ABHD2: variants seen among roughly 807,000 people sequenced by gnomAD.
ABHD2 encodes the protein abhydrolase domain containing 2, acylglycerol lipase.
In ABHD2, 20 loss-of-function variants were observed where a neutral mutation model predicts 48.1. The observed-to-expected ratio is 0.42, with a 90% CI of 0.29 to 0.60. The LOEUF is 0.60. ABHD2 is among the 20% of genes least tolerant of loss of function. ABHD2 has a pLI of 0.24. For missense variants in ABHD2, 405 were observed against 550.9 expected (o/e 0.74, Z 2.65); for synonymous variants, 209 against 214.2 (o/e 0.98, Z 0.21).
rs528002446 is a variant in ABHD2, at chr15:89,146,750, T to C, written c.195-4927T>C. ...AATTAGCGTAGTAAAAATGGAATAT[T>C]CTGTAAAACATGAAGAAAGCAATGA... On this transcript the variant is annotated intron_variant, in intron 3 of 10. Transcript: ENST00000352732. This position sits in a 1 kb window ranked among gnomAD's most constrained non-coding sequence, Gnocchi z 4.2. 6.6e-6 allele frequency among the ~76,000 whole-genome samples: 1 copy of C among 152,250 alleles called. No homozygotes were observed. The highest frequency in any genetic ancestry group is 6.5e-5 in the Admixed American group (1 of 15,298).
upstream of ABHD2, among the ~76,000 whole-genome samples, chr15:89,085,910 T>C (rs1901337599): frequency 6.6e-6 from 1 of 152,230 alleles, no homozygotes; most frequent in Non-Finnish European, 1.5e-5. The surrounding 1 kb of genome is among the most constrained non-coding windows in gnomAD (Gnocchi z 4.2). Flanking sequence ...GTAACATGCA[T>C]GCAGCCATGT....
chr15:89,066,307 G>C, the ABHD2 span, among the ~76,000 whole-genome samples: 1 of 152,104 alleles, frequency 6.6e-6, no homozygotes, highest in Non-Finnish European at 1.5e-5. Context: ...TCAGGTAGTT[G>C]CTGGCAATCC....
intron 3 of ABHD2, among the ~76,000 whole-genome samples, chr15:89,150,984 A>G (rs187531061): frequency 6.6e-6 from 1 of 152,230 alleles, no homozygotes; most frequent in Non-Finnish European, 1.5e-5. Context: ...TTTCCTACCA[A>G]CGCCTAGAGT....
intron 1 of ABHD2, among the ~76,000 whole-genome samples, chr15:89,110,323 A>G (rs1392095316): frequency 6.6e-6 from 1 of 152,162 alleles, no homozygotes; most frequent in African/African-American, 2.4e-5. Flanking sequence ...CGGCCTGCAA[A>G]GTGCTAGGAT....
chr15:89,147,989 C>T (rs546059945), intron 3 of ABHD2, among the ~76,000 whole-genome samples: 21 of 151,350 alleles, frequency 1.4e-4, no homozygotes, highest in Admixed American at 1.1e-3. Flanking sequence ...TGATGACATG[C>T]GTGCCTGTAA....
chr15:89,085,815 T>C (rs1433404157), upstream of ABHD2, among the ~76,000 whole-genome samples: 3 of 152,220 alleles, frequency 2.0e-5, no homozygotes, highest in Non-Finnish European at 4.4e-5. The surrounding 1 kb of genome is among the most constrained non-coding windows in gnomAD (Gnocchi z 4.2). Flanking sequence ...AGCCACTTCA[T>C]GCTTTTCAGG....
At chr15:89,054,294 C>G in the ABHD2 span, among the ~76,000 whole-genome samples, 2 of 149,838 alleles carry the variant, frequency 1.3e-5, no homozygotes, top group Admixed American at 1.3e-4. Context: ...TACACTCCAG[C>G]CTGGGTGACA....
rs982018428 is a variant in ABHD2, at chr15:89,200,146, T to G, written c.*4723T>G. The G allele has an allele frequency of 6.6e-6, 1 of 152,224 alleles. No individual in the cohort carries two copies. The highest frequency in any genetic ancestry group is 2.1e-4 in the South Asian group (1 of 4,834). 9.4% of individuals were successfully genotyped at this position (152,224 alleles called of 1,614,324 possible). The stretch of plus-strand genomic sequence containing the variant: ...ATCTCTAGTAATAATAAGCTGAAAT[T>G]AGTTTTTTTTTTAATTCTCCAATTT... On this transcript the variant is annotated 3_prime_UTR_variant, in exon 11 of 11. Transcript: ENST00000352732.
At position 89,114,242 on chromosome 15, in the gene ABHD2, T is replaced by A. The variant is rs571602310; in HGVS notation, c.-7+418T>A. ...CTTAGTGCAGTGCTATGTACTTTTT[T>A]AGGCCACAGACCCTTTTTAGAGAAT... On this transcript the variant is annotated intron_variant, in intron 2 of 10. Transcript: ENST00000352732. The surrounding 1 kb of genome is among the most constrained non-coding windows in gnomAD (Gnocchi z 4.2). Among the ~76,000 whole-genome samples, 2 of 152,318 alleles carry A rather than the reference T, an allele frequency of 1.3e-5. No homozygotes were observed. The highest frequency in any genetic ancestry group is 1.3e-4 in the Admixed American group (2 of 15,300).
chr15:89,124,887 G>C (rs1338043642), intron 3 of ABHD2, among the ~76,000 whole-genome samples: 1 of 152,048 alleles, frequency 6.6e-6, no homozygotes, highest in Non-Finnish European at 1.5e-5. Flanking sequence ...TCAGGAGTTC[G>C]AGACCAGCCT....
rs2150915280 is a variant in ABHD2 at position 89,167,884 on chromosome 15, G to A, written c.539-7928G>A. On this transcript the variant is annotated intron_variant, in intron 5 of 10. Coordinates refer to ENST00000352732, the MANE Select transcript of ABHD2 (RefSeq NM_152924.5). This position sits in a 1 kb window ranked among gnomAD's most constrained non-coding sequence, Gnocchi z 5.5. ...CTCTTAGGCTAAACTTAGTGGGAAA[G>A]ATATTCAAGTACCTCTTTCATGTCC... 6.6e-6 allele frequency among the ~76,000 whole-genome samples: 1 copy of A among 152,342 alleles called. No individual in the cohort carries two copies. The highest frequency in any genetic ancestry group is 1.9e-4 in the East Asian group (1 of 5,182).
chr15:89,144,142 C>CT (rs1022200670), intron 3 of ABHD2, among the ~76,000 whole-genome samples: 31 of 151,214 alleles, frequency 2.1e-4, no homozygotes, highest in African/African-American at 3.9e-4. Context: ...TGTCTTTTTT[C>CT]TTTTTTTTTG....
chr15:89,135,068 C>G (rs933624573), intron 3 of ABHD2, among the ~76,000 whole-genome samples: 2 of 147,168 alleles, frequency 1.4e-5, no homozygotes, highest in Admixed American at 1.4e-4. Flanking sequence ...TGTGTTCTTT[C>G]TTTATTTATT....
rs1407655443 is a variant in ABHD2 at position 89,104,189 on chromosome 15, T to A, written c.-106-9536T>A. On this transcript the variant is annotated intron_variant, in intron 1 of 10. Coordinates refer to ENST00000352732, the MANE Select transcript of ABHD2 (RefSeq NM_152924.5). This position sits in a 1 kb window ranked among gnomAD's most constrained non-coding sequence, Gnocchi z 4.4. ...TCTCTCCCTGTGTAACAGGGTCTGG[T>A]GGCCGAGCCCTGAGGGGCGCTGTTG... 6.6e-6 allele frequency: 1 copy of A among 152,272 alleles called. No homozygotes were observed. The highest frequency in any genetic ancestry group is 1.5e-5 in the Non-Finnish European group (1 of 68,068). The allele number at this position is 152,272 out of a possible 1,614,324, so 9.4% of individuals were successfully genotyped here. A position where few individuals can be genotyped will look rare whatever the true frequency, so the allele number is the denominator to read the frequency against.
At chr15:89,143,684 A>G (rs997729673) in intron 3 of ABHD2, among the ~76,000 whole-genome samples, 23 of 117,542 alleles carry the variant, frequency 2.0e-4, no homozygotes, top group African/African-American at 8.3e-4. Flanking sequence ...ACTCCATCTC[A>G]AAACAAAAAA....
upstream of ABHD2, chr15:89,087,902 C>T (rs1159736774): frequency 1.3e-5 from 2 of 152,216 alleles, no homozygotes; most frequent in Non-Finnish European, 2.9e-5. The surrounding 1 kb of genome is among the most constrained non-coding windows in gnomAD (Gnocchi z 5.5). Flanking sequence ...ACTCACGACC[C>T]TTCTTCCTCT....
At position 89,184,700 on chromosome 15, in the gene ABHD2, G is replaced by A. The variant is rs1001077170; in HGVS notation, c.723-724G>A. On this transcript the variant is annotated intron_variant, in intron 6 of 10. Transcript: ENST00000352732. The surrounding 1 kb of genome is among the most constrained non-coding windows in gnomAD (Gnocchi z 5.1). Reference sequence around the variant, plus strand: ...TGCTGCTGGCAGAACCTGGGCTCTGGAAAACAGGGATAATATCACCTGCCT... The same window carrying A: ...TGCTGCTGGCAGAACCTGGGCTCTGAAAAACAGGGATAATATCACCTGCCT... 1.3e-5 allele frequency among the ~76,000 whole-genome samples: 2 copies of A among 152,166 alleles called. No homozygotes were observed. Among genetic ancestry groups the A allele is most frequent in the African/African-American group, 4.8e-5 (2 of 41,438 alleles).
intron 5 of ABHD2, among the ~76,000 whole-genome samples, chr15:89,170,640 A>G (rs777563557): frequency 1.6e-4 from 24 of 152,132 alleles, no homozygotes; most frequent in Non-Finnish European, 2.1e-4. Context: ...GGCCTATACC[A>G]ATGTGTACTC....
At chr15:89,194,712 A>C (rs2238310) in intron 10 of ABHD2, among the ~76,000 whole-genome samples, 10,997 of 152,242 alleles carry the variant, frequency 0.072, 543 homozygotes, top group East Asian at 0.14. Context: ...AAAATGCAGA[A>C]TCTCAGCTCC....
Sources: gnomAD v4.1 joint callset for allele counts (sites outside exome capture counted in the v4.1 genomes callset) on GRCh38, gnomAD v4.1.1 for gene constraint, Gnocchi (gnomAD v3.1) non-coding constraint, MANE v1.5 for transcripts, NCBI Gene and HGNC (gene_info 2026-07-23, HGNC 2026-07-21) for gene names.